FIGNL1: variants seen among roughly 807,000 people sequenced by gnomAD.
FIGNL1 encodes the protein fidgetin like 1.
In FIGNL1, 11 loss-of-function variants were observed where a neutral mutation model predicts 28.9. That is an observed-to-expected ratio of 0.38 (90% confidence interval 0.24 to 0.63). FIGNL1 has a LOEUF of 0.63. Among genes scored for constraint, FIGNL1 ranks in the 20% least tolerant of loss-of-function variants. The pLI is 0.57. For synonymous variants in FIGNL1, 295 were observed against 276.5 expected (o/e 1.07, Z -0.66); for missense variants, 789 against 810.4 (o/e 0.97, Z 0.32).
At position 50,448,168 on chromosome 7, in the gene FIGNL1, T is replaced by C. The variant is rs1821370899; in HGVS notation, c.-11+13A>G. The C allele has an allele frequency of 6.6e-6, 1 of 152,212 alleles. No individual in the cohort carries two copies. The allele number at this position is 152,212 out of a possible 1,614,324, so 9.4% of individuals were successfully genotyped here. On this transcript the variant is annotated intron_variant, in intron 3 of 3. Transcript: ENST00000433017. ...AATGTACAAACCGAGGCTGAGAGAC[T>C]TAAAGAACTTACTTGAGATCACACA...
At position 50,445,810 on chromosome 7, in the gene FIGNL1, T is replaced by C. The variant is rs200644774; in HGVS notation, c.1478A>G (p.Gln493Arg). ...RALFAVARCQ[Q>R]PAVIFIDEID... ...TTCGTCAATAAATATCACAGCTGGT[T>C]GCTGACACCTTGCAACAGCAAACAA... Residue 493 changes from glutamine (Q) to arginine (R), a missense_variant, in exon 4 of 4, where the codon CAA becomes CGA. Transcript: ENST00000433017. The C allele has an allele frequency of 1.2e-5, 20 of 1,614,240 alleles. No individual in the cohort carries two copies. The East Asian group carries it at 2.0e-4, about 16-fold the overall frequency.
At chr7:50,448,136 T>C (rs778891753) in intron 3 of FIGNL1, 45 bp downstream of exon 3, 1 of 152,214 alleles carries the variant, frequency 6.6e-6, no homozygotes, top group Non-Finnish European at 1.5e-5. Flanking sequence ...ATTATCCTTA[T>C]CACACAAATG....
In FIGNL1 at chr7:50,445,044, TCTCA is replaced by T. The variant is rs1490686003; in HGVS notation, c.*215_*218del. ...AGACTTCTTAGAAACAAAAGTTCAT[TCTCA>T]CTTTGTTCAAATAGGCTTACGTATC... On this transcript the variant is annotated 3_prime_UTR_variant, in exon 4 of 4. Coordinates refer to ENST00000433017, the MANE Select transcript of FIGNL1 (RefSeq NM_001287492.4). 5.9e-6 allele frequency: 2 copies of T among 336,310 alleles called. No homozygotes were observed. The highest frequency in any genetic ancestry group is 4.2e-5 in the African/African-American group (2 of 47,208). The allele number at this position is 336,310 out of a possible 1,614,324, so 20.8% of individuals were successfully genotyped here. A position where few individuals can be genotyped will look rare whatever the true frequency, so the allele number is the denominator to read the frequency against.
rs138265417 is a variant in FIGNL1 at position 50,445,397 on chromosome 7, T to C, written c.1891A>G (p.Ile631Val). Residue 631 changes from isoleucine to valine, a missense_variant, in exon 4 of 4, where the codon ATA becomes GTA. Ile to Val is a conservative substitution (Grantham distance 29). Coordinates refer to ENST00000433017, the MANE Select transcript of FIGNL1 (RefSeq NM_001287492.4). ...RSLQTADIAT[I>V]TPDQVRPIAY... is the part of the protein sequence containing the mutation. ...ATGGGTCGAACTTGATCCGGTGTTA[T>C]GGTAGCAATGTCAGCAGTTTGTAAA... 1.7e-5 allele frequency: 28 copies of C among 1,614,130 alleles called. No individual in the cohort carries two copies. Among genetic ancestry groups the C allele is most frequent in the East Asian group, 1.3e-4 (6 of 44,904 alleles).
rs1446708262 is a variant in FIGNL1, at chr7:50,446,360, A to AC, written c.927dup (p.Tyr310ValfsTer22). 1 of 1,614,128 alleles carries AC rather than the reference A, an allele frequency of 6.2e-7. No homozygotes were observed. Among genetic ancestry groups the AC allele is most frequent in the East Asian group, 2.2e-5 (1 of 44,892 alleles). ...CCTGATGCACGCTGAGGTTGGTGGTACTTTTTTTGCTGATCTACCCATAAT... is the reference window on the plus strand; with the variant it reads ...CCTGATGCACGCTGAGGTTGGTGGTACCTTTTTTTGCTGATCTACCCATAAT... On this transcript the variant is annotated frameshift_variant, in exon 4 of 4. Transcript: ENST00000433017. LOFTEE classifies it high-confidence loss of function.
rs143012740 is a variant in FIGNL1 at position 50,445,608 on chromosome 7, C to G, written c.1680G>C (p.Val560=). Residue 560 remains valine, a synonymous_variant, in exon 4 of 4, where the codon GTG becomes GTC. Coordinates refer to ENST00000433017, the MANE Select transcript of FIGNL1 (RefSeq NM_001287492.4). ...CTGGGAGGGGAATATAAAGCCTTTTCACCAATCTTCTCCGGGCAGCCTCAT... is the reference window on the plus strand; with the variant it reads ...CTGGGAGGGGAATATAAAGCCTTTTGACCAATCTTCTCCGGGCAGCCTCAT... The part of the protein sequence containing the change: ...EIDEAARRRL[V]KRLYIPLPEA... 1.9e-4 allele frequency: 308 copies of G among 1,614,026 alleles called. No homozygotes were observed. Among genetic ancestry groups the G allele is most frequent in the Non-Finnish European group, 2.2e-4 (254 of 1,180,014 alleles).
rs1389381925 is a variant in FIGNL1 at position 50,445,828 on chromosome 7, G to A, written c.1460C>T (p.Ala487Val). Residue 487 changes from alanine (A) to valine (V), a missense_variant, in exon 4 of 4, where the codon GCT (alanine) becomes GTT (valine). Ala to Val is a moderately conservative substitution (Grantham distance 64, BLOSUM62 0). Coordinates refer to ENST00000433017, the MANE Select transcript of FIGNL1 (RefSeq NM_001287492.4). ...EGEKMVRALF[A>V]VARCQQPAVI... ...AGCTGGTTGCTGACACCTTGCAACA[G>A]CAAACAATGCACGGACCATTTTCTC... The A allele has an allele frequency of 1.2e-6, 2 of 1,614,078 alleles. No individual in the cohort carries two copies. The highest frequency in any genetic ancestry group is 1.3e-5 in the African/African-American group (1 of 74,938).
At position 50,444,299 on chromosome 7, in the gene FIGNL1, T is replaced by A. The variant is rs187171531; in HGVS notation, c.*964A>T. 13 of 152,310 alleles carry A rather than the reference T, an allele frequency of 8.5e-5. No individual in the cohort carries two copies. Among genetic ancestry groups the A allele is most frequent in the African/African-American group, 2.9e-4 (12 of 41,558 alleles). 9.4% of individuals were successfully genotyped at this position (152,310 alleles called of 1,614,324 possible). A position where few individuals can be genotyped will look rare whatever the true frequency, so the allele number is the denominator to read the frequency against. On this transcript the variant is annotated 3_prime_UTR_variant, in exon 4 of 4. Coordinates refer to ENST00000433017, the MANE Select transcript of FIGNL1 (RefSeq NM_001287492.4). ...TACCAGATGACTCAATTATATTCCATCCATCCATGGAATCCTAGACAATCA... is the reference window on the plus strand; with the variant it reads ...TACCAGATGACTCAATTATATTCCAACCATCCATGGAATCCTAGACAATCA...
Position 50,445,923 on chromosome 7 carries a change from A to G in FIGNL1, c.1365T>C (p.Ala455=). Residue 455 remains alanine, a synonymous_variant, in exon 4 of 4, where the codon GCT becomes GCC. Transcript: ENST00000433017. ...TGKTLIGKCI[A]SQSGATFFSI... Reference sequence around the variant, plus strand: ...TAAAGAATGTTGCCCCAGACTGACTAGCAATGCACTTGCCAATTAGAGTTT... The same window carrying G: ...TAAAGAATGTTGCCCCAGACTGACTGGCAATGCACTTGCCAATTAGAGTTT... 1.2e-6 allele frequency: 2 copies of G among 1,614,162 alleles called. No individual in the cohort carries two copies. Among genetic ancestry groups the G allele is most frequent in the Non-Finnish European group, 1.7e-6 (2 of 1,180,034 alleles).
At position 50,444,642 on chromosome 7, in the gene FIGNL1, A is replaced by T. The variant is rs539124951; in HGVS notation, c.*621T>A. 1 of 152,226 alleles carries T rather than the reference A, an allele frequency of 6.6e-6. No individual in the cohort carries two copies. 9.4% of individuals were successfully genotyped at this position (152,226 alleles called of 1,614,324 possible). On this transcript the variant is annotated 3_prime_UTR_variant, in exon 4 of 4. Transcript: ENST00000433017. ...GTGTCAAATAAAATATTAATGTTAA[A>T]TATCACACGCTCCCGTGAAAATAAC...
chr7:50,448,489 C>G (rs1370013749), intron 2 of FIGNL1, 200 bp from the exon 3 acceptor site: 1 of 152,154 alleles, frequency 6.6e-6, no homozygotes, highest in East Asian at 1.9e-4. Flanking sequence ...TAGGAAAATG[C>G]TTTTACTTTA....
rs779405622 is a variant in FIGNL1 at position 50,446,816 on chromosome 7, G to A, written c.472C>T (p.Gln158Ter). Reference protein sequence around the residue: ...LPKFSVCGSSQESDSLPNSAH... With the variant: ...LPKFSVCGSS ...GAGTTAGGTAATGAGTCACTCTCTT[G>A]AGAACTACCACAAACACTAAATTTA... The change falls in exon 4 of 4, where the codon CAA becomes TAA. Residue 158 changes from glutamine (Q) to a stop codon, truncating the protein, a stop_gained. Transcript: ENST00000433017. LOFTEE classifies it low-confidence loss of function (END_TRUNC). The A allele has an allele frequency of 1.2e-6, 2 of 1,614,030 alleles. No homozygotes were observed. Among genetic ancestry groups the A allele is most frequent in the Non-Finnish European group, 8.5e-7 (1 of 1,180,030 alleles).
rs200453649 is a variant in FIGNL1 at position 50,445,546 on chromosome 7, A to G, written c.1742T>C (p.Met581Thr). 1.2e-4 allele frequency: 200 copies of G among 1,614,252 alleles called. 2 individuals carry two copies. Among genetic ancestry groups the G allele is most frequent in the Middle Eastern group, 4.9e-4 (3 of 6,062 alleles). Reference protein sequence around the residue: ...SARKQIVINLMSKEQCCLSEE... With the variant: ...SARKQIVINLTSKEQCCLSEE... ...ACTGAGGCAACACTGCTCTTTGGAC[A>G]TTAGATTAATTACTATCTGTTTCCT... is the stretch of plus-strand genomic sequence containing the variant. The change falls in exon 4 of 4, where the codon ATG becomes ACG. Residue 581 changes from methionine to threonine, a missense_variant. Physicochemically the swap from Met to Thr is moderately conservative, Grantham distance 81 (BLOSUM62 -1). Coordinates refer to ENST00000433017, the MANE Select transcript of FIGNL1 (RefSeq NM_001287492.4).
Position 50,445,904 on chromosome 7 carries a change from A to T in FIGNL1, c.1384T>A (p.Phe462Ile). The change falls in exon 4 of 4, where the codon TTC (phenylalanine) becomes ATC (isoleucine). Residue 462 changes from phenylalanine to isoleucine, a missense_variant. By Grantham distance (21) the Phe-to-Ile change is conservative (BLOSUM62 0). Transcript: ENST00000433017. ...KCIASQSGAT[F>I]FSISASSLTS... ...AAGGATGAAGCAGAGATGCTAAAGA[A>T]TGTTGCCCCAGACTGACTAGCAATG... 6.2e-7 allele frequency: 1 copy of T among 1,614,122 alleles called. No homozygotes were observed. The highest frequency in any genetic ancestry group is 8.5e-7 in the Non-Finnish European group (1 of 1,180,036).
rs533314077 is a variant in FIGNL1 at position 50,445,266 on chromosome 7, C to A, written c.2022G>T (p.Lys674Asn). ...GCCTTGATTCCAAGTATCCCACTTA[C>A]TTTCCACAACCAAAAGTTTTGTTCC... is the stretch of plus-strand genomic sequence containing the variant. ...ENWNKTFGCG[K>N] is the part of the protein sequence containing the mutation. The change falls in exon 4 of 4, where the codon AAG (lysine) becomes AAT (asparagine). Residue 674 changes from lysine to asparagine, a missense_variant. Physicochemically the swap from Lys to Asn is moderately conservative, Grantham distance 94. Transcript: ENST00000433017. 3 of 1,549,366 alleles carry A rather than the reference C, an allele frequency of 1.9e-6. No individual in the cohort carries two copies. In the African/African-American group the frequency reaches 4.1e-5, roughly 21 times the overall value.
rs910457369 is a variant in FIGNL1, at chr7:50,444,489, A to G, written c.*774T>C. 1 of 152,254 alleles carries G rather than the reference A, an allele frequency of 6.6e-6. No homozygotes were observed. The highest frequency in any genetic ancestry group is 6.5e-5 in the Admixed American group (1 of 15,282). The allele number at this position is 152,254 out of a possible 1,614,324, so 9.4% of individuals were successfully genotyped here. Reference sequence around the variant, plus strand: ...CCCGCAAAGTGGTAGGATAATAGTGACTTTTATTCTTTTTACTTATCTCTA... The same window carrying G: ...CCCGCAAAGTGGTAGGATAATAGTGGCTTTTATTCTTTTTACTTATCTCTA... On this transcript the variant is annotated 3_prime_UTR_variant, in exon 4 of 4. Coordinates refer to ENST00000433017, the MANE Select transcript of FIGNL1 (RefSeq NM_001287492.4).
chr7:50,445,688 ATGT>A lies in FIGNL1; in HGVS notation c.1597_1599del (p.Thr533del). The A allele has an allele frequency of 6.2e-7, 1 of 1,614,136 alleles. No individual in the cohort carries two copies. Among genetic ancestry groups the A allele is most frequent in the African/African-American group, 1.3e-5 (1 of 75,054 alleles). ...ACCACTAGGATACGATCTTCAGAAG[ATGT>A]TGTTGCTCCATCTAATTGAACTAAA... On this transcript the variant is annotated inframe_deletion, in exon 4 of 4. Coordinates refer to ENST00000433017, the MANE Select transcript of FIGNL1 (RefSeq NM_001287492.4).
At chr7:50,448,345 T>C (rs549853257) in intron 2 of FIGNL1, 56 bp from the exon 3 acceptor site, 2 of 152,366 alleles carry the variant, frequency 1.3e-5, no homozygotes, top group South Asian at 4.1e-4. Context: ...CATATTTAAA[T>C]GGTTTTAATA....
rs755642191 is a variant in FIGNL1, at chr7:50,445,197, C to T, written c.*66G>A. ...CTTAAAAATACAATTAACACATCCC[C>T]AACTTTCTATGCTAAAAAATAAAGA... On this transcript the variant is annotated 3_prime_UTR_variant, in exon 4 of 4. Coordinates refer to ENST00000433017, the MANE Select transcript of FIGNL1 (RefSeq NM_001287492.4). 6.7e-5 allele frequency: 68 copies of T among 1,013,098 alleles called. No homozygotes were observed. Among genetic ancestry groups the T allele is most frequent in the Non-Finnish European group, 9.6e-5 (68 of 711,668 alleles). 62.8% of individuals were successfully genotyped at this position (1,013,098 alleles called of 1,614,324 possible).
Sources: gnomAD v4.1 joint callset for allele counts on GRCh38, gnomAD v4.1.1 for gene constraint, MANE v1.5 for transcripts, NCBI Gene and HGNC (gene_info 2026-07-23, HGNC 2026-07-21) for gene names.